PIEZO2: variants seen among roughly 807,000 people sequenced by gnomAD.
PIEZO2 encodes the protein piezo type mechanosensitive ion channel component 2, also known as piezo-type mechanosensitive ion channel component 2.
A neutral mutation model predicts 337.3 loss-of-function variants in PIEZO2; 172 were observed. The observed-to-expected ratio is 0.51, with a 90% confidence interval of 0.45 to 0.58. The LOEUF (loss-of-function observed/expected upper bound fraction) is 0.58. PIEZO2 is among the 20% of genes least tolerant of loss of function. The pLI is 0.00. For missense variants in PIEZO2, 3,028 were observed against 3,391.3 expected (o/e 0.89, Z 2.66); for synonymous variants, 1,251 against 1,228.5 (o/e 1.02, Z -0.38).
intron 47 of PIEZO2, among the ~76,000 whole-genome samples, chr18:10,691,780 C>CATATATATATATATATATATATATAT (rs2034842596): frequency 1.3e-4 from 1 of 7,910 alleles, no homozygotes; most frequent in African/African-American, 8.2e-4. Context: ...CACACACACA[C>CATATATATATATATATATATATATAT]ACATATATAT....
chr18:10,793,728 C>T (rs999134348), intron 13 of PIEZO2, among the ~76,000 whole-genome samples: 2 of 152,044 alleles, frequency 1.3e-5, no homozygotes, highest in East Asian at 1.9e-4. Context: ...GAGAGTATAA[C>T]GTGGGATTTT....
In PIEZO2 at chr18:10,750,253, A is replaced by G. The variant is rs1445753523; in HGVS notation, c.4168-66T>C. On this transcript the variant is annotated intron_variant, in intron 28 of 55. Transcript: ENST00000674853. The surrounding 1 kb of genome is among the most constrained non-coding windows in gnomAD (Gnocchi z 4.1). ...CCAGAAAAAAAAGTGGTGTTTTATG[A>G]TCCCAACATGTGCAAGAATTCACAA... 8.7e-7 allele frequency: 1 copy of G among 1,148,056 alleles called. No homozygotes were observed. Among genetic ancestry groups the G allele is most frequent in the African/African-American group, 1.5e-5 (1 of 65,416 alleles). 71.1% of individuals were successfully genotyped at this position (1,148,056 alleles called of 1,614,324 possible).
chr18:10,689,527 G>A (rs2034704316), intron 49 of PIEZO2, 128 bp downstream of exon 49: 2 of 1,232,008 alleles, frequency 1.6e-6, no homozygotes, highest in Middle Eastern at 2.0e-4. Context: ...GAAATCACTG[G>A]GACATTTATA....
At position 11,038,281 on chromosome 18, in the gene PIEZO2, C is replaced by T. The variant is rs1342254187; in HGVS notation, c.160+27846G>A. 6.6e-6 allele frequency among the ~76,000 whole-genome samples: 1 copy of T among 152,050 alleles called. No homozygotes were observed. Among genetic ancestry groups the T allele is most frequent in the Non-Finnish European group, 1.5e-5 (1 of 68,016 alleles). On this transcript the variant is annotated intron_variant, in intron 2 of 55. Transcript: ENST00000674853. The surrounding 1 kb of genome is among the most constrained non-coding windows in gnomAD (Gnocchi z 4.1). ...TATTCTGCTTGGATAATGTAAATTGCTTGCAAGAAAAAGCCACAAATCTTT... is the reference window on the plus strand; with the variant it reads ...TATTCTGCTTGGATAATGTAAATTGTTTGCAAGAAAAAGCCACAAATCTTT...
rs1449390003 is a variant in PIEZO2, at chr18:10,707,852, A to AT, written c.5588+422dup. On this transcript the variant is annotated intron_variant, in intron 40 of 55. Coordinates refer to ENST00000674853, the MANE Select transcript of PIEZO2 (RefSeq NM_001378183.1). The surrounding 1 kb of genome is among the most constrained non-coding windows in gnomAD (Gnocchi z 4.2). ...ATGACTACCTATGATAGATTTTTAG[A>AT]TTTTTTTCCTACTGCATGCATCTTT... Among the ~76,000 whole-genome samples, 3 of 152,140 alleles carry AT rather than the reference A, an allele frequency of 2.0e-5. No individual in the cohort carries two copies. The highest frequency in any genetic ancestry group is 1.9e-4 in the East Asian group (1 of 5,196).
rs1224285190 is a variant in PIEZO2, at chr18:11,127,213, T to G, written c.64+21312A>C. On this transcript the variant is annotated intron_variant, in intron 1 of 55. Coordinates refer to ENST00000674853, the MANE Select transcript of PIEZO2 (RefSeq NM_001378183.1). This position sits in a 1 kb window ranked among gnomAD's most constrained non-coding sequence, Gnocchi z 4.5. ...TTTGAGGGGTGCGGAAAGAGGTCCC[T>G]GAGGAGGTGACATTTAGGCTGAGAT... is the stretch of plus-strand genomic sequence containing the variant. Among the ~76,000 whole-genome samples the G allele has an allele frequency of 2.0e-5, 3 of 152,116 alleles. No individual in the cohort carries two copies. The highest frequency in any genetic ancestry group is 4.4e-5 in the Non-Finnish European group (3 of 68,012).
Position 11,077,990 on chromosome 18 carries a change from C to T in PIEZO2, c.65-11768G>A, listed in dbSNP as rs2038602517. 6.6e-6 allele frequency among the ~76,000 whole-genome samples: 1 copy of T among 151,718 alleles called. No homozygotes were observed. Among genetic ancestry groups the T allele is most frequent in the Non-Finnish European group, 1.5e-5 (1 of 67,938 alleles). ...GAAAAAGGGGTGACAGCCAAGGCCA[C>T]AATACACACACATACACGCAAAAAC... On this transcript the variant is annotated intron_variant, in intron 1 of 55. Transcript: ENST00000674853. The surrounding 1 kb of genome is among the most constrained non-coding windows in gnomAD (Gnocchi z 4.8).
intron 33 of PIEZO2, chr18:10,738,696 G>A (rs2037107820): frequency 6.6e-6 from 1 of 152,088 alleles, no homozygotes; most frequent in Non-Finnish European, 1.5e-5. Flanking sequence ...TACTAAGTTG[G>A]AAATTAACTT....
intron 1 of PIEZO2, among the ~76,000 whole-genome samples, chr18:11,072,917 C>T (rs1387428339): frequency 6.6e-6 from 1 of 152,256 alleles, no homozygotes; most frequent in African/African-American, 2.4e-5. Flanking sequence ...GTGATATTGC[C>T]TCAGACCCCT....
At chr18:10,841,477 C>G (rs1176381723) in intron 7 of PIEZO2, among the ~76,000 whole-genome samples, 1 of 152,144 alleles carries the variant, frequency 6.6e-6, no homozygotes, top group Admixed American at 6.5e-5. Flanking sequence ...AAGAGATCCT[C>G]AATAAGATTA....
At chr18:11,025,567 A>G (rs566568651) in intron 2 of PIEZO2, among the ~76,000 whole-genome samples, 1 of 152,170 alleles carries the variant, frequency 6.6e-6, no homozygotes, top group East Asian at 1.9e-4. Context: ...TTCTCCTGGC[A>G]AGAGAACTCA....
chr18:11,091,383 CAAAA>C (rs529307821), intron 1 of PIEZO2, among the ~76,000 whole-genome samples: 3 of 77,848 alleles, frequency 3.9e-5, no homozygotes, highest in African/African-American at 8.5e-5. Flanking sequence ...GACTCCGTCT[CAAAA>C]AAAAAAAAAA....
chr18:10,871,172 GTTA>G, intron 5 of PIEZO2, 78 bp downstream of exon 5: 1 of 1,351,890 alleles, frequency 7.4e-7, no homozygotes. Context: ...ATGCTCAGCT[GTTA>G]TTATCATAGT....
rs2038391685 is a variant in PIEZO2, at chr18:10,767,002, CCCCTCCCCTT to C, written c.2946+3136_2946+3145del. ...CACCTTCCATTCCCTCCCCTCCCCT[CCCCTCCCCTT>C]CCCTCCCCTCCCCTTCCCTTCCTTC... On this transcript the variant is annotated intron_variant, in intron 21 of 55. Coordinates refer to ENST00000674853, the MANE Select transcript of PIEZO2 (RefSeq NM_001378183.1). The surrounding 1 kb of genome is among the most constrained non-coding windows in gnomAD (Gnocchi z 4.2). 1.4e-5 allele frequency among the ~76,000 whole-genome samples: 2 copies of C among 144,182 alleles called. No homozygotes were observed. The highest frequency in any genetic ancestry group is 4.6e-4 in the South Asian group (2 of 4,372). 94.6% of individuals were successfully genotyped at this position (144,182 alleles called of 152,430 possible).
At chr18:11,145,065 T>C (rs2040772369) in intron 1 of PIEZO2, among the ~76,000 whole-genome samples, 1 of 152,210 alleles carries the variant, frequency 6.6e-6, no homozygotes, top group African/African-American at 2.4e-5. Context: ...TAATTATCAG[T>C]TATAATTATT....
chr18:11,122,406 A>G (rs916655314), intron 1 of PIEZO2, among the ~76,000 whole-genome samples: 1 of 152,204 alleles, frequency 6.6e-6, no homozygotes, highest in Non-Finnish European at 1.5e-5. Flanking sequence ...GACAATGAAT[A>G]TCATCACTAA....
At chr18:11,144,501 G>A (rs1384812654) in intron 1 of PIEZO2, among the ~76,000 whole-genome samples, 1 of 152,044 alleles carries the variant, frequency 6.6e-6, no homozygotes, top group Non-Finnish European at 1.5e-5. Flanking sequence ...TGGACTGTGT[G>A]GAAGTGTGAT....
chr18:10,957,047 T>C (rs2033567274), intron 3 of PIEZO2, among the ~76,000 whole-genome samples: 1 of 150,986 alleles, frequency 6.6e-6, no homozygotes, highest in Non-Finnish European at 1.5e-5. Context: ...ATGTGGTCAA[T>C]TGATTTTCAA....
At chr18:10,950,443 C>A (rs1404679563) in intron 3 of PIEZO2, among the ~76,000 whole-genome samples, 1 of 152,180 alleles carries the variant, frequency 6.6e-6, no homozygotes, top group Non-Finnish European at 1.5e-5. Context: ...AAGGACTGAA[C>A]AAAATCTACA....
Sources: gnomAD v4.1 joint callset for allele counts (sites outside exome capture counted in the v4.1 genomes callset) on GRCh38, gnomAD v4.1.1 for gene constraint, Gnocchi (gnomAD v3.1) non-coding constraint, MANE v1.5 for transcripts, NCBI Gene and HGNC (gene_info 2026-07-23, HGNC 2026-07-21) for gene names.